TNFRSF9: variants seen among roughly 807,000 people sequenced by gnomAD.
TNFRSF9 encodes the protein tumor necrosis factor receptor superfamily member 9.
TNFRSF9 carries 16 observed loss-of-function variants against 28.8 expected under a neutral mutation model. The observed-to-expected ratio is 0.55, with a 90% CI of 0.38 to 0.84. The LOEUF (loss-of-function observed/expected upper bound fraction) is 0.84. Ranked by LOEUF, TNFRSF9 falls within the 40% of genes least tolerant of loss-of-function variation. The probability of loss-of-function intolerance (pLI) is 0.00; values close to 1 mark genes in which losing one functional copy is unlikely to be tolerated. For synonymous variants in TNFRSF9, 131 were observed against 117.0 expected (o/e 1.12, Z -0.77); for missense variants, 303 against 315.0 (o/e 0.96, Z 0.29).
intron 7 of TNFRSF9, among the ~76,000 whole-genome samples, chr1:7,925,382 T>G (rs1639635073): frequency 6.6e-6 from 1 of 152,130 alleles, no homozygotes; most frequent in Non-Finnish European, 1.5e-5. Context: ...AAGAGAACAT[T>G]TTAAATAAAT....
chr1:7,926,563 G>T (rs527829408), intron 7 of TNFRSF9, among the ~76,000 whole-genome samples: 1 of 152,286 alleles, frequency 6.6e-6, no homozygotes, highest in South Asian at 2.1e-4. Context: ...GCTTTTTGTA[G>T]ATATAGATAT....
chr1:7,936,778 T>C lies in TNFRSF9; in HGVS notation c.413+912A>G, dbSNP rs139643621. On this transcript the variant is annotated intron_variant, in intron 5 of 7. Coordinates refer to ENST00000377507, the MANE Select transcript of TNFRSF9 (RefSeq NM_001561.6). The stretch of plus-strand genomic sequence containing the variant: ...ACATATAAAATACAACGCCCAAATT[T>C]TTATTCTTAGTCAACAGACCACATT... 5.5e-3 allele frequency among the ~76,000 whole-genome samples: 836 copies of C among 152,284 alleles called. 2 individuals are homozygous for C. Among genetic ancestry groups the C allele is most frequent in the Non-Finnish European group, 8.3e-3 (562 of 68,012 alleles).
rs1639472564 is a variant in TNFRSF9, at chr1:7,915,905, C to T, written c.*4930G>A. Reference sequence around the variant, plus strand: ...CTTATTCTTTTTTTCCTGTGAACATCATAGTTTTGTGTTTTATTAGATAGT... The same window carrying T: ...CTTATTCTTTTTTTCCTGTGAACATTATAGTTTTGTGTTTTATTAGATAGT... On this transcript the variant is annotated 3_prime_UTR_variant, in exon 8 of 8. Coordinates refer to ENST00000377507, the MANE Select transcript of TNFRSF9 (RefSeq NM_001561.6). 6.6e-6 allele frequency: 1 copy of T among 151,814 alleles called. No homozygotes were observed. 9.4% of individuals were successfully genotyped at this position (151,814 alleles called of 1,614,324 possible).
At chr1:7,939,076 T>C (rs9657959) in intron 2 of TNFRSF9, among the ~76,000 whole-genome samples, 88 of 152,172 alleles carry the variant, frequency 5.8e-4, no homozygotes, top group African/African-American at 2.0e-3. Context: ...TCACAGCACT[T>C]TGGGAGGCCG....
At position 7,920,659 on chromosome 1, in the gene TNFRSF9, A is replaced by G. The variant is rs1391239928; in HGVS notation, c.*176T>C. The G allele has an allele frequency of 1.7e-6, 1 of 575,814 alleles. No individual in the cohort carries two copies. The highest frequency in any genetic ancestry group is 3.1e-6 in the Non-Finnish European group (1 of 323,002). 35.7% of individuals were successfully genotyped at this position (575,814 alleles called of 1,614,324 possible). On this transcript the variant is annotated 3_prime_UTR_variant, in exon 8 of 8. Coordinates refer to ENST00000377507, the MANE Select transcript of TNFRSF9 (RefSeq NM_001561.6). ...GAGTGAGACCCTGTCAAAAAAAAAA[A>G]AAAAGTGGTGCATTTTTAAAGGCCA...
At chr1:7,928,914 A>C (rs1156436335) in intron 7 of TNFRSF9, among the ~76,000 whole-genome samples, 6 of 152,038 alleles carry the variant, frequency 3.9e-5, no homozygotes, top group Admixed American at 2.6e-4. Flanking sequence ...AAAAAACCAA[A>C]AAACAAACAA....
intron 5 of TNFRSF9, among the ~76,000 whole-genome samples, chr1:7,937,467 C>A (rs1350917191): frequency 6.6e-6 from 1 of 152,192 alleles, no homozygotes; most frequent in Non-Finnish European, 1.5e-5. Context: ...CCAGCCTCCA[C>A]TGGCAATTCT....
rs544728592 is a variant in TNFRSF9, at chr1:7,938,334, C to T, written c.209-4G>A. 127 of 1,598,042 alleles carry T rather than the reference C, an allele frequency of 7.9e-5. 2 individuals are homozygous for T. The South Asian group carries it at 1.4e-3, about 17-fold the overall frequency. ...TCCTTCCTGGTCCTGAAAACACCTA[C>T]AAAGTCCCCCCAGCCCCCAACATTT... On this transcript the variant is annotated splice_region_variant and splice_polypyrimidine_tract_variant and intron_variant, in intron 3 of 7. Coordinates refer to ENST00000377507, the MANE Select transcript of TNFRSF9 (RefSeq NM_001561.6).
intron 7 of TNFRSF9, among the ~76,000 whole-genome samples, chr1:7,923,456 T>G (rs897934740): frequency 3.3e-5 from 5 of 152,054 alleles, no homozygotes; most frequent in Admixed American, 6.6e-5. Context: ...CCAAACTTCC[T>G]CCACCCCTGC....
At position 7,931,290 on chromosome 1, in the gene TNFRSF9, A is replaced by C. The variant is rs75793827; in HGVS notation, c.679+1872T>G. Among the ~76,000 whole-genome samples the C allele has an allele frequency of 3.8e-3, 576 of 152,336 alleles. 6 individuals carry two copies. The highest frequency in any genetic ancestry group is 0.013 in the African/African-American group (552 of 41,584). ...AGGTTAAAAAACAAAACCAAGCCAG[A>C]AACACGTGTTTACGTGTGCTGAGAT... On this transcript the variant is annotated intron_variant, in intron 7 of 7. Coordinates refer to ENST00000377507, the MANE Select transcript of TNFRSF9 (RefSeq NM_001561.6).
chr1:7,939,744 A>G (rs761106703), intron 2 of TNFRSF9, 151 bp downstream of exon 2: 4 of 561,658 alleles, frequency 7.1e-6, no homozygotes, highest in Non-Finnish European at 1.2e-5. Context: ...GTGTTCACAC[A>G]GCTAGGTTGT....
chr1:7,915,946 G>A lies in TNFRSF9; in HGVS notation c.*4889C>T, dbSNP rs184733969. On this transcript the variant is annotated 3_prime_UTR_variant, in exon 8 of 8. Coordinates refer to ENST00000377507, the MANE Select transcript of TNFRSF9 (RefSeq NM_001561.6). Reference sequence around the variant, plus strand: ...ATTAGATAGTCTTTTAAATAAAAACGTTGATAAAGATCACTCTCCAAGTCC... The same window carrying A: ...ATTAGATAGTCTTTTAAATAAAAACATTGATAAAGATCACTCTCCAAGTCC... 21 of 151,686 alleles carry A rather than the reference G, an allele frequency of 1.4e-4. 1 individual carries two copies. The East Asian group carries it at 2.5e-3, about 18-fold the overall frequency. 9.4% of individuals were successfully genotyped at this position (151,686 alleles called of 1,614,324 possible).
chr1:7,940,767 C>T lies in TNFRSF9; in HGVS notation c.-85+17G>A, dbSNP rs999030786. ...CCCCTTCTCAGTGCCCCCACCCACT[C>T]CCCCAGATGGACAGACCTTGAGATC... On this transcript the variant is annotated intron_variant, in intron 1 of 7. Coordinates refer to ENST00000377507, the MANE Select transcript of TNFRSF9 (RefSeq NM_001561.6). 1.1e-4 allele frequency: 17 copies of T among 152,288 alleles called. No individual in the cohort carries two copies. Among genetic ancestry groups the T allele is most frequent in the African/African-American group, 4.1e-4 (17 of 41,442 alleles). 9.4% of individuals were successfully genotyped at this position (152,288 alleles called of 1,614,324 possible).
chr1:7,927,602 G>A (rs1275794690), intron 7 of TNFRSF9, among the ~76,000 whole-genome samples: 1 of 152,118 alleles, frequency 6.6e-6, no homozygotes. Flanking sequence ...AGGAGGTGGA[G>A]GCTGCAGTAA....
At chr1:7,925,569 C>A (rs556960875) in intron 7 of TNFRSF9, among the ~76,000 whole-genome samples, 22 of 152,184 alleles carry the variant, frequency 1.4e-4, no homozygotes, top group African/African-American at 5.1e-4. Flanking sequence ...CACTTTATTT[C>A]TATTATTATT....
chr1:7,933,399 A>G, intron 6 of TNFRSF9, 103 bp from the exon 7 acceptor site: 8 of 1,402,358 alleles, frequency 5.7e-6, no homozygotes, highest in Non-Finnish European at 7.7e-6. Context: ...GAGAAGAATC[A>G]CAGCCTTGGG....
At chr1:7,921,845 A>C (rs1331205326) in intron 7 of TNFRSF9, 2 of 152,158 alleles carry the variant, frequency 1.3e-5, no homozygotes, top group East Asian at 1.9e-4. Context: ...AAAAGCATGA[A>C]TCTTAAGCAT....
intron 6 of TNFRSF9, among the ~76,000 whole-genome samples, chr1:7,934,812 T>C (rs1380408289): frequency 6.6e-6 from 1 of 152,248 alleles, no homozygotes; most frequent in Non-Finnish European, 1.5e-5. Flanking sequence ...TGAAGTGTCC[T>C]CTGGCACCGC....
rs1565745 is a variant in TNFRSF9, at chr1:7,939,965, G to A, written c.30C>T (p.Ala10=). 3.2e-3 allele frequency: 5,061 copies of A among 1,603,544 alleles called. 160 individuals carry two copies. The African/African-American group carries it at 0.059, about 19-fold the overall frequency. Residue 10 remains alanine, a synonymous_variant, in exon 2 of 8, where the codon GCC becomes GCT. Coordinates refer to ENST00000377507, the MANE Select transcript of TNFRSF9 (RefSeq NM_001561.6). Reference sequence around the variant, plus strand: ...CAAAGTTGAGGACCAGCAACAGAGTGGCTACTATGTTGTAACAGCTGTTTC... The same window carrying A: ...CAAAGTTGAGGACCAGCAACAGAGTAGCTACTATGTTGTAACAGCTGTTTC... The part of the protein sequence containing the change: MGNSCYNIV[A]TLLLVLNFER...
Sources: gnomAD v4.1 joint callset for allele counts (sites outside exome capture counted in the v4.1 genomes callset) on GRCh38, gnomAD v4.1.1 for gene constraint, MANE v1.5 for transcripts, NCBI Gene and HGNC (gene_info 2026-07-23, HGNC 2026-07-21) for gene names.